The following RIT2 variants were observed in gnomAD, a reference collection of about 807,000 sequenced individuals.
RIT2 encodes the protein GTP-binding protein Rit2.
In RIT2, 24 loss-of-function variants were observed where a neutral mutation model predicts 23.7. The ratio of observed to expected loss-of-function variants is 1.01; its 90% CI spans 0.73 to 1.43. The LOEUF (loss-of-function observed/expected upper bound fraction) is 1.43, where lower values mean the gene tolerates loss of function less well. Among genes scored for constraint, RIT2 ranks in the 40% most tolerant of loss-of-function variants. The probability of loss-of-function intolerance (pLI) is 0.00; values close to 1 mark genes in which losing one functional copy is unlikely to be tolerated. For missense variants in RIT2, 236 were observed against 266.9 expected (o/e 0.88, Z 0.81); for synonymous variants, 107 against 91.1 (o/e 1.17, Z -0.99).
chr18:42,786,426 G>A (rs1289484860), intron 4 of RIT2, among the ~76,000 whole-genome samples: 1 of 152,070 alleles, frequency 6.6e-6, no homozygotes, highest in African/African-American at 2.4e-5. Context: ...CTACCATTAT[G>A]CCTTTAGAAC....
chr18:42,982,523 C>T (rs1010286247), intron 2 of RIT2, among the ~76,000 whole-genome samples: 1 of 152,120 alleles, frequency 6.6e-6, no homozygotes, highest in African/African-American at 2.4e-5. Flanking sequence ...TCTTGACACC[C>T]ATACACATTT....
At chr18:42,982,163 G>A (rs541641753) in intron 2 of RIT2, among the ~76,000 whole-genome samples, 88 of 152,128 alleles carry the variant, frequency 5.8e-4, no homozygotes, top group Non-Finnish European at 1.3e-4. Context: ...ACTCTTAGTC[G>A]GAAGCCAAAG....
At chr18:42,979,123 T>C (rs1173652745) in intron 2 of RIT2, among the ~76,000 whole-genome samples, 1 of 152,150 alleles carries the variant, frequency 6.6e-6, no homozygotes, top group African/African-American at 2.4e-5. Context: ...AAGATATGTT[T>C]GCAATAATAA....
At chr18:43,054,184 C>T (rs140675022) in intron 1 of RIT2, among the ~76,000 whole-genome samples, 35 of 152,124 alleles carry the variant, frequency 2.3e-4, no homozygotes, top group South Asian at 6.2e-4. Context: ...AGGATGTCAA[C>T]GCTAGATTGT....
chr18:43,028,248 C>T (rs1678075987), intron 2 of RIT2, among the ~76,000 whole-genome samples: 1 of 151,960 alleles, frequency 6.6e-6, no homozygotes, highest in Non-Finnish European at 1.5e-5. Context: ...ATAAGGTGAT[C>T]AGAGGTCTCT....
chr18:42,876,650 T>C (rs1223542028), intron 4 of RIT2, among the ~76,000 whole-genome samples: 1 of 151,864 alleles, frequency 6.6e-6, no homozygotes, highest in Non-Finnish European at 1.5e-5. Context: ...TTTTGAAAAA[T>C]GTATCTTTTG....
chr18:42,781,448 G>A (rs1490879377), intron 4 of RIT2, among the ~76,000 whole-genome samples: 2 of 152,050 alleles, frequency 1.3e-5, no homozygotes, highest in South Asian at 2.1e-4. Flanking sequence ...TAAGAGCTGC[G>A]AACCTTCCCT....
intron 1 of RIT2, among the ~76,000 whole-genome samples, chr18:43,094,123 G>GTT (rs376144367): frequency 0.12 from 13,330 of 115,692 alleles, 972 homozygotes; most frequent in Non-Finnish European, 0.16. Context: ...GGTTTTTTTT[G>GTT]TTTTTTTTTT....
intron 1 of RIT2, among the ~76,000 whole-genome samples, chr18:43,096,849 T>C (rs532803490): frequency 2.6e-5 from 4 of 151,968 alleles, no homozygotes; most frequent in East Asian, 3.9e-4. Flanking sequence ...AAATCATTTA[T>C]GCCACAGTTT....
chr18:42,873,450 T>A (rs1237541091), intron 4 of RIT2, among the ~76,000 whole-genome samples: 3 of 152,084 alleles, frequency 2.0e-5, no homozygotes, highest in Non-Finnish European at 2.9e-5. Flanking sequence ...TGGTTGAGAA[T>A]GTGAGAGAAA....
At chr18:42,938,552 T>C (rs1195575869) in intron 3 of RIT2, among the ~76,000 whole-genome samples, 1 of 152,138 alleles carries the variant, frequency 6.6e-6, no homozygotes, top group Non-Finnish European at 1.5e-5. Context: ...TAACCAAGTT[T>C]CAACTTTAAA....
At chr18:42,794,078 A>C (rs947243685) in intron 4 of RIT2, among the ~76,000 whole-genome samples, 19 of 152,134 alleles carry the variant, frequency 1.2e-4, no homozygotes, top group Non-Finnish European at 2.4e-4. Context: ...TATAAGAAAG[A>C]ATGCGGTTAT....
chr18:42,750,641 G>A (rs1420943478), intron 4 of RIT2, among the ~76,000 whole-genome samples: 1 of 151,628 alleles, frequency 6.6e-6, no homozygotes, highest in Non-Finnish European at 1.5e-5. Flanking sequence ...AGTTGAGTCT[G>A]GTTAGGTTAT....
chr18:42,907,044 T>A (rs1458229637), intron 4 of RIT2, among the ~76,000 whole-genome samples: 1 of 152,174 alleles, frequency 6.6e-6, no homozygotes, highest in Non-Finnish European at 1.5e-5. Context: ...CCTCCCTCAG[T>A]GTGTGTTTTA....
At chr18:42,806,191 G>A (rs188017349) in intron 4 of RIT2, among the ~76,000 whole-genome samples, 95 of 149,870 alleles carry the variant, frequency 6.3e-4, no homozygotes, top group African/African-American at 2.1e-3. Context: ...TATTTTGGTC[G>A]GGCACAGTGA....
chr18:42,824,841 C>T (rs1906251186), intron 4 of RIT2, among the ~76,000 whole-genome samples: 2 of 151,460 alleles, frequency 1.3e-5, no homozygotes, highest in African/African-American at 4.8e-5. Context: ...AAGAAAAATG[C>T]AGAGCACATA....
chr18:43,090,920 G>A (rs1473351483), intron 1 of RIT2, among the ~76,000 whole-genome samples: 3 of 151,742 alleles, frequency 2.0e-5, no homozygotes, highest in East Asian at 3.9e-4. Flanking sequence ...TAATGAATGG[G>A]TACTAGACGT....
At chr18:42,963,545 G>A (rs544678925) in intron 3 of RIT2, among the ~76,000 whole-genome samples, 3 of 152,246 alleles carry the variant, frequency 2.0e-5, no homozygotes, top group African/African-American at 7.2e-5. Flanking sequence ...AAAAAAGAAG[G>A]AAACATTTTT....
At chr18:42,948,740 T>G (rs1039007035) in intron 3 of RIT2, among the ~76,000 whole-genome samples, 1 of 152,054 alleles carries the variant, frequency 6.6e-6, no homozygotes, top group African/African-American at 2.4e-5. Context: ...AGAAAGAAAC[T>G]TCAGTTGGGG....
Sources: gnomAD v4.1 joint callset for allele counts (sites outside exome capture counted in the v4.1 genomes callset) on GRCh38, gnomAD v4.1.1 for gene constraint, MANE v1.5 for transcripts, NCBI Gene and HGNC (gene_info 2026-07-23, HGNC 2026-07-21) for gene names.